ARHGAP1: variants seen among roughly 807,000 people sequenced by gnomAD.
ARHGAP1 encodes Rho GTPase activating protein 1, also known as rho GTPase-activating protein 1.
A neutral mutation model predicts 52.2 loss-of-function variants in ARHGAP1; 23 were observed. The ratio of observed to expected loss-of-function variants is 0.44; its 90% confidence interval spans 0.32 to 0.62. The LOEUF (loss-of-function observed/expected upper bound fraction) is 0.62, where lower values mean the gene tolerates loss of function less well. ARHGAP1 is among the 20% of genes least tolerant of loss of function. The pLI, the probability that ARHGAP1 is intolerant of heterozygous loss-of-function variation, is 0.05. For synonymous variants in ARHGAP1, 210 were observed against 228.4 expected (o/e 0.92, Z 0.73); for missense variants, 480 against 560.9 (o/e 0.86, Z 1.46).
chr11:46,677,153 TTAAG>T lies in ARHGAP1; in HGVS notation c.*1880_*1883del, dbSNP rs1246004719. 1.3e-5 allele frequency: 2 copies of T among 152,668 alleles called. No homozygotes were observed. The highest frequency in any genetic ancestry group is 1.3e-4 in the Admixed American group (2 of 15,282). The allele number at this position is 152,668 out of a possible 1,614,324, so 9.5% of individuals were successfully genotyped here. A position where few individuals can be genotyped will look rare whatever the true frequency, so the allele number is the denominator to read the frequency against. On this transcript the variant is annotated 3_prime_UTR_variant, in exon 13 of 13. Transcript: ENST00000311956. ...TACATGATTGGTGCCAAGGAAGTCA[TTAAG>T]TGTGAATGTGAACACTGGATTCACA...
chr11:46,691,222 A>G (rs1020534690), intron 3 of ARHGAP1, among the ~76,000 whole-genome samples: 1 of 152,094 alleles, frequency 6.6e-6, no homozygotes, highest in African/African-American at 2.4e-5. Flanking sequence ...ACGTTTTGGT[A>G]GCCTGCACAA....
chr11:46,697,936 C>G (rs1300729762), intron 1 of ARHGAP1, among the ~76,000 whole-genome samples: 1 of 152,176 alleles, frequency 6.6e-6, no homozygotes, highest in East Asian at 1.9e-4. Context: ...GAGCTGCTCC[C>G]CATAGCGACC....
intron 1 of ARHGAP1, among the ~76,000 whole-genome samples, chr11:46,700,285 G>A (rs1334792218): frequency 6.6e-6 from 1 of 150,772 alleles, no homozygotes; most frequent in Non-Finnish European, 1.5e-5. Flanking sequence ...CCGCCGGCTT[G>A]CTGGATGACA....
In ARHGAP1 at chr11:46,693,989, C is replaced by T. The variant is rs368938205; in HGVS notation, c.229+1671G>A. On this transcript the variant is annotated intron_variant, in intron 3 of 12. Transcript: ENST00000311956. ...GACCCTGGGGCATGACAACTATTCC[C>T]GGCAGGGAGAGCTGAGGCTATAACC... Among the ~76,000 whole-genome samples the T allele has an allele frequency of 2.6e-5, 4 of 152,184 alleles. No homozygotes were observed. In the East Asian group the frequency reaches 5.8e-4, roughly 22 times the overall value.
intron 4 of ARHGAP1, among the ~76,000 whole-genome samples, chr11:46,683,214 CT>C (rs1438394964): frequency 6.6e-6 from 1 of 151,824 alleles, no homozygotes; most frequent in Non-Finnish European, 1.5e-5. Flanking sequence ...CTTTTTTCTA[CT>C]TTTTATTTTG....
intron 1 of ARHGAP1, among the ~76,000 whole-genome samples, chr11:46,698,732 C>T (rs2064676285): frequency 6.6e-6 from 1 of 152,106 alleles, no homozygotes; most frequent in African/African-American, 2.4e-5. Context: ...TCTATGCTGT[C>T]AGTTCTTCCA....
rs79917572 is a variant in ARHGAP1, at chr11:46,689,803, C to T, written c.230-1543G>A. The stretch of plus-strand genomic sequence containing the variant: ...ATCCACCTGCCTTGGCCTCCCAAAG[C>T]GCTGGGATTACAGGCATGAGCCACC... On this transcript the variant is annotated intron_variant, in intron 3 of 12. Transcript: ENST00000311956. Among the ~76,000 whole-genome samples, 393 of 152,038 alleles carry T rather than the reference C, an allele frequency of 2.6e-3. 16 individuals carry two copies. The East Asian group carries it at 0.067, about 26-fold the overall frequency.
rs373977757 is a variant in ARHGAP1, at chr11:46,691,863, T to C, written c.230-3603A>G. Among the ~76,000 whole-genome samples, 212 of 152,314 alleles carry C rather than the reference T, an allele frequency of 1.4e-3. 5 individuals are homozygous for C. In the South Asian group the frequency reaches 0.042, roughly 31 times the overall value. ...TCAGCCTCCCAAAGTATTGGGATTA[T>C]AGGCATGAGCCACAGCACCTGGCCT... On this transcript the variant is annotated intron_variant, in intron 3 of 12. Coordinates refer to ENST00000311956, the MANE Select transcript of ARHGAP1 (RefSeq NM_004308.5).
chr11:46,680,501 T>A lies in ARHGAP1; in HGVS notation c.806A>T (p.Tyr269Phe), dbSNP rs1192618110. 1 of 1,613,946 alleles carries A rather than the reference T, an allele frequency of 6.2e-7. No individual in the cohort carries two copies. Among genetic ancestry groups the A allele is most frequent in the Non-Finnish European group, 8.5e-7 (1 of 1,179,954 alleles). The change falls in exon 9 of 13, where the codon TAC becomes TTC. Residue 269 changes from tyrosine (Y) to phenylalanine (F), a missense_variant. Tyr to Phe is a conservative substitution (Grantham distance 22). Coordinates refer to ENST00000311956, the MANE Select transcript of ARHGAP1 (RefSeq NM_004308.5). The surrounding 1 kb of genome is among the most constrained non-coding windows in gnomAD (Gnocchi z 5.9). ...CCGGCACTCACCGTGGGCCTGTAAGTAGGCAACAGTCTCCCTGAGTACAAT... is the reference window on the plus strand; with the variant it reads ...CCGGCACTCACCGTGGGCCTGTAAGAAGGCAACAGTCTCCCTGAGTACAAT... ...IPIVLRETVA[Y>F]LQAHALTTEG... is the part of the protein sequence containing the mutation.
Position 46,680,286 on chromosome 11 carries a change from G to C in ARHGAP1, c.821-4C>G, listed in dbSNP as rs2064514412. The stretch of plus-strand genomic sequence containing the variant: ...AAGATGCCCTCGGTGGTGAGAGCTG[G>C]GAAACAGTAGGGCCTGGTGAGCCTC... On this transcript the variant is annotated splice_region_variant and splice_polypyrimidine_tract_variant and intron_variant, in intron 9 of 12. Transcript: ENST00000311956. The surrounding 1 kb of genome is among the most constrained non-coding windows in gnomAD (Gnocchi z 5.9). 6.2e-7 allele frequency: 1 copy of C among 1,613,940 alleles called. No homozygotes were observed. Among genetic ancestry groups the C allele is most frequent in the African/African-American group, 1.3e-5 (1 of 74,916 alleles).
chr11:46,699,493 A>G (rs2064682560), intron 1 of ARHGAP1, among the ~76,000 whole-genome samples: 1 of 151,586 alleles, frequency 6.6e-6, no homozygotes, highest in Non-Finnish European at 1.5e-5. Context: ...TCACAAGGTC[A>G]GGATTTGGAG....
At chr11:46,697,789 C>T (rs2064667237) in intron 1 of ARHGAP1, among the ~76,000 whole-genome samples, 1 of 152,188 alleles carries the variant, frequency 6.6e-6, no homozygotes, top group African/African-American at 2.4e-5. Context: ...GAAGAATGAT[C>T]CCTCACGGTC....
rs148874011 is a variant in ARHGAP1 at position 46,695,146 on chromosome 11, C to A, written c.229+514G>T. ...CCCTGAGACAGAGACCTAAGCGGGG[C>A]TCTGTACCCACTCTCAGCAGGGCAG... On this transcript the variant is annotated intron_variant, in intron 3 of 12. Transcript: ENST00000311956. The A allele has an allele frequency of 4.0e-4, 128 of 319,190 alleles. No homozygotes were observed. In the East Asian group the frequency reaches 9.3e-3, roughly 23 times the overall value. 19.8% of individuals were successfully genotyped at this position (319,190 alleles called of 1,614,324 possible).
chr11:46,684,641 G>A (rs2064554350), intron 4 of ARHGAP1, among the ~76,000 whole-genome samples: 1 of 152,194 alleles, frequency 6.6e-6, no homozygotes, highest in Admixed American at 6.5e-5. Context: ...CCTTTGTAGG[G>A]TGTGAGTGAC....
At position 46,681,937 on chromosome 11, in the gene ARHGAP1, G is replaced by A; in HGVS notation, c.449+114C>T. On this transcript the variant is annotated intron_variant, in intron 5 of 12. Transcript: ENST00000311956. The surrounding 1 kb of genome is among the most constrained non-coding windows in gnomAD (Gnocchi z 5.7). ...ATTCTTTACATTGACGTAGACGGCAGCCCCCGCCACCCCCTGCCTTGGAAT... is the reference window on the plus strand; with the variant it reads ...ATTCTTTACATTGACGTAGACGGCAACCCCCGCCACCCCCTGCCTTGGAAT... 8 of 1,464,316 alleles carry A rather than the reference G, an allele frequency of 5.5e-6. No individual in the cohort carries two copies. In the South Asian group the frequency reaches 6.3e-5, roughly 12 times the overall value. The allele number at this position is 1,464,316 out of a possible 1,614,324, so 90.7% of individuals were successfully genotyped here.
At position 46,678,953 on chromosome 11, in the gene ARHGAP1, A is replaced by G. The variant is rs2064501461; in HGVS notation, c.*84T>C. ...ATGGGTGGCTCCAACATCTCTCTCC[A>G]GGGGGCTTCATGGCCCCTGATGCCA... On this transcript the variant is annotated 3_prime_UTR_variant, in exon 13 of 13. Coordinates refer to ENST00000311956, the MANE Select transcript of ARHGAP1 (RefSeq NM_004308.5). 1 of 1,451,302 alleles carries G rather than the reference A, an allele frequency of 6.9e-7. No individual in the cohort carries two copies. Among genetic ancestry groups the G allele is most frequent in the East Asian group, 2.3e-5 (1 of 42,554 alleles). The allele number at this position is 1,451,302 out of a possible 1,614,324, so 89.9% of individuals were successfully genotyped here.
intron 4 of ARHGAP1, chr11:46,687,313 C>CTGGCCT (rs2064578705): frequency 6.6e-6 from 1 of 152,302 alleles, no homozygotes; most frequent in South Asian, 2.1e-4. Flanking sequence ...GTGGCCCTGG[C>CTGGCCT]TTGCCAGGAC....
chr11:46,692,638 T>A (rs2064622461), intron 3 of ARHGAP1, among the ~76,000 whole-genome samples: 1 of 152,142 alleles, frequency 6.6e-6, no homozygotes, highest in Non-Finnish European at 1.5e-5. Context: ...TCCACCAATG[T>A]GCTCAGCAGA....
At chr11:46,694,883 C>A (rs911849128) in intron 3 of ARHGAP1, among the ~76,000 whole-genome samples, 2 of 152,218 alleles carry the variant, frequency 1.3e-5, no homozygotes, top group African/African-American at 4.8e-5. Flanking sequence ...GGGCCGGTGT[C>A]TGCCAGGTTC....
Sources: gnomAD v4.1 joint callset for allele counts (sites outside exome capture counted in the v4.1 genomes callset) on GRCh38, gnomAD v4.1.1 for gene constraint, Gnocchi (gnomAD v3.1) non-coding constraint, MANE v1.5 for transcripts, NCBI Gene and HGNC (gene_info 2026-07-23, HGNC 2026-07-21) for gene names.